DLG2: variants seen among roughly 807,000 people sequenced by gnomAD.
DLG2 encodes discs large MAGUK scaffold protein 2.
In DLG2, 45 loss-of-function variants were observed where a neutral mutation model predicts 132.5. The ratio of observed to expected loss-of-function variants is 0.34; its 90% confidence interval spans 0.27 to 0.44. The LOEUF (loss-of-function observed/expected upper bound fraction) is 0.44, where lower values mean the gene tolerates loss of function less well. Among genes scored for constraint, DLG2 ranks in the 20% least tolerant of loss-of-function variants. The pLI is 1.00. For synonymous variants in DLG2, 424 were observed against 419.6 expected (o/e 1.01, Z -0.13); for missense variants, 1,045 against 1,196.9 (o/e 0.87, Z 1.87).
At chr11:84,070,899 A>C (rs947990585) in intron 10 of DLG2, among the ~76,000 whole-genome samples, 8 of 152,304 alleles carry the variant, frequency 5.3e-5, no homozygotes, top group Non-Finnish European at 1.2e-4. Flanking sequence ...TCTCAAATGG[A>C]GCAGAGTCTG....
intron 3 of DLG2, among the ~76,000 whole-genome samples, chr11:85,365,159 AGG>A (rs1435773678): frequency 6.6e-6 from 1 of 152,200 alleles, no homozygotes; most frequent in Non-Finnish European, 1.5e-5. Flanking sequence ...TAGCAAACCT[AGG>A]ACGGCATCCC....
rs890917525 is a variant in DLG2, at chr11:83,968,013, T to C, written c.1057-2545A>G. Among the ~76,000 whole-genome samples, 5 of 152,296 alleles carry C rather than the reference T, an allele frequency of 3.3e-5. 1 individual carries two copies. Among genetic ancestry groups the C allele is most frequent in the African/African-American group, 1.2e-4 (5 of 41,570 alleles). On this transcript the variant is annotated intron_variant, in intron 12 of 27. Transcript: ENST00000376104. ...GTTCTCTTATTTTCTTTGTCAAAACTTAGTTGACCATATATGTTTGAATTT... is the reference window on the plus strand; with the variant it reads ...GTTCTCTTATTTTCTTTGTCAAAACCTAGTTGACCATATATGTTTGAATTT...
chr11:85,420,360 A>T (rs12787016), intron 3 of DLG2, among the ~76,000 whole-genome samples: 10,715 of 151,804 alleles, frequency 0.071, 554 homozygotes, highest in Non-Finnish European at 0.11. Context: ...CCTGTATGAC[A>T]TGTCTGTAGA....
At chr11:85,177,310 T>C (rs917535639) in intron 4 of DLG2, among the ~76,000 whole-genome samples, 20 of 149,236 alleles carry the variant, frequency 1.3e-4, no homozygotes, top group Middle Eastern at 6.9e-3. Flanking sequence ...CACACACACA[T>C]ACATACATAC....
chr11:83,888,148 G>A (rs1792922185), intron 15 of DLG2, among the ~76,000 whole-genome samples: 1 of 150,818 alleles, frequency 6.6e-6, no homozygotes, highest in Non-Finnish European at 1.5e-5. Flanking sequence ...TAGGAAAAGA[G>A]GAAGTCAAAT....
intron 6 of DLG2, among the ~76,000 whole-genome samples, chr11:84,895,611 G>A (rs1218060982): frequency 6.6e-6 from 1 of 152,130 alleles, no homozygotes; most frequent in South Asian, 2.1e-4. Flanking sequence ...AAGCACACCA[G>A]TACCAAATTA....
At chr11:84,950,621 G>T (rs1012780147) in intron 6 of DLG2, among the ~76,000 whole-genome samples, 10 of 152,060 alleles carry the variant, frequency 6.6e-5, no homozygotes, top group African/African-American at 1.2e-4. Context: ...ATTATATAGG[G>T]TGAATAAAAC....
At chr11:85,248,383 C>T (rs758430915) in intron 4 of DLG2, among the ~76,000 whole-genome samples, 4 of 151,874 alleles carry the variant, frequency 2.6e-5, no homozygotes, top group Non-Finnish European at 5.9e-5. Context: ...TTGACTTCTT[C>T]GGTAAATAGT....
intron 4 of DLG2, among the ~76,000 whole-genome samples, chr11:85,177,308 CAT>C (rs2079355803): frequency 6.7e-6 from 1 of 149,566 alleles, no homozygotes; most frequent in Admixed American, 6.7e-5. Flanking sequence ...CACACACACA[CAT>C]ACATACATAC....
rs7101976 is a variant in DLG2, at chr11:84,898,347, C to A, written c.357+213314G>T. Among the ~76,000 whole-genome samples the A allele has an allele frequency of 4.0e-3, 608 of 151,848 alleles. 5 individuals carry two copies. Among genetic ancestry groups the A allele is most frequent in the African/African-American group, 0.014 (570 of 41,470 alleles). On this transcript the variant is annotated intron_variant, in intron 6 of 27. Coordinates refer to ENST00000376104, the MANE Select transcript of DLG2 (RefSeq NM_001142699.3). ...CCTTGTTCTAAAATATCAAATCTAC[C>A]CAATCCCCAAAGACTTTTATAAACC... is the stretch of plus-strand genomic sequence containing the variant.
intron 26 of DLG2, among the ~76,000 whole-genome samples, chr11:83,465,640 A>G (rs904733797): frequency 2.2e-4 from 34 of 152,192 alleles, no homozygotes; most frequent in African/African-American, 8.2e-4. Context: ...AAGTAATTTT[A>G]TATCTTTTAC....
intron 7 of DLG2, among the ~76,000 whole-genome samples, chr11:84,253,267 T>C (rs2097415950): frequency 6.6e-6 from 1 of 152,146 alleles, no homozygotes; most frequent in African/African-American, 2.4e-5. Context: ...AACTTTCTGA[T>C]TGTATGATTT....
intron 7 of DLG2, among the ~76,000 whole-genome samples, chr11:84,533,316 C>A (rs992952335): frequency 1.3e-5 from 2 of 152,156 alleles, no homozygotes; most frequent in African/African-American, 4.8e-5. Context: ...GGTTTAGTCC[C>A]ATGTCCCCCA....
intron 7 of DLG2, among the ~76,000 whole-genome samples, chr11:84,438,421 T>C (rs1215574285): frequency 6.6e-6 from 1 of 151,852 alleles, no homozygotes; most frequent in Non-Finnish European, 1.5e-5. Flanking sequence ...TGGACAGGGG[T>C]TCAAATCGAG....
chr11:84,555,815 T>G (rs2099410805), intron 6 of DLG2, among the ~76,000 whole-genome samples: 1 of 152,262 alleles, frequency 6.6e-6, no homozygotes, highest in Middle Eastern at 3.4e-3. Context: ...TTTTATGAAT[T>G]TTTTACTACA....
intron 18 of DLG2, among the ~76,000 whole-genome samples, chr11:83,664,081 G>A (rs1398640066): frequency 6.6e-6 from 1 of 152,172 alleles, no homozygotes; most frequent in African/African-American, 2.4e-5. Context: ...AGAGCTTACT[G>A]TAAGGATAAG....
chr11:84,864,890 A>G (rs2084311144), intron 6 of DLG2, among the ~76,000 whole-genome samples: 1 of 152,264 alleles, frequency 6.6e-6, no homozygotes, highest in South Asian at 2.1e-4. Flanking sequence ...GGTAGAAGAG[A>G]TGGCTTAAGC....
intron 7 of DLG2, among the ~76,000 whole-genome samples, chr11:84,399,847 G>A (rs938418581): frequency 6.6e-6 from 1 of 152,326 alleles, no homozygotes; most frequent in East Asian, 1.9e-4. Flanking sequence ...GGGTCTGATC[G>A]ATAAACCCAA....
intron 7 of DLG2, among the ~76,000 whole-genome samples, chr11:84,360,533 G>T (rs1350788309): frequency 1.3e-5 from 2 of 151,976 alleles, no homozygotes; most frequent in Non-Finnish European, 2.9e-5. Context: ...AATAAGGTGA[G>T]CTCCACAATT....
Sources: gnomAD v4.1 joint callset for allele counts (sites outside exome capture counted in the v4.1 genomes callset) on GRCh38, gnomAD v4.1.1 for gene constraint, MANE v1.5 for transcripts, NCBI Gene and HGNC (gene_info 2026-07-23, HGNC 2026-07-21) for gene names.